The following MSRA variants were observed in gnomAD, a reference collection of about 807,000 sequenced individuals.
MSRA encodes the protein methionine sulfoxide reductase A.
In MSRA, 54 loss-of-function variants were observed where a neutral mutation model predicts 31.3. That is an observed-to-expected ratio of 1.73 (90% CI 1.39 to 2.17). The LOEUF (loss-of-function observed/expected upper bound fraction) is 2.17. MSRA is among the 30% of genes most tolerant of loss of function. MSRA has a pLI of 0.00. For missense variants in MSRA, 507 were observed against 300.9 expected (o/e 1.69, Z -5.07); for synonymous variants, 169 against 116.5 (o/e 1.45, Z -2.90).
intron 5 of MSRA, among the ~76,000 whole-genome samples, chr8:10,407,489 T>G (rs1277499084): frequency 6.6e-6 from 1 of 152,190 alleles, no homozygotes; most frequent in African/African-American, 2.4e-5. Flanking sequence ...GGACTTGCTA[T>G]GGACATTGGA....
intron 3 of MSRA, among the ~76,000 whole-genome samples, chr8:10,284,345 C>T (rs1170985343): frequency 1.3e-5 from 2 of 152,042 alleles, no homozygotes; most frequent in African/African-American, 2.4e-5. Flanking sequence ...CCCGCCACCA[C>T]ACCCGGCTAA....
intron 3 of MSRA, among the ~76,000 whole-genome samples, chr8:10,281,360 C>T (rs1275996757): frequency 6.6e-6 from 1 of 152,158 alleles, no homozygotes; most frequent in East Asian, 1.9e-4. Context: ...GATTATTTAT[C>T]AAAAAGGATT....
At chr8:10,353,714 C>G (rs1344600998) in intron 5 of MSRA, 6 of 452,786 alleles carry the variant, frequency 1.3e-5, no homozygotes, top group African/African-American at 1.0e-4. Flanking sequence ...CTGTACCTGC[C>G]CACTGCCACC....
Position 10,283,160 on chromosome 8 carries a change from A to ACACACACTCTCTCTCTCTCT in MSRA, c.332-18373_332-18372insACACACTCTCTCTCTCTCTC. On this transcript the variant is annotated intron_variant, in intron 3 of 5. Transcript: ENST00000317173. ...CACACACACACACACACACACACAC[A>ACACACACTCTCTCTCTCTCT]CTCTCACCCTTCTCTTTGCTGGGGA... Among the ~76,000 whole-genome samples the ACACACACTCTCTCTCTCTCT allele has an allele frequency of 2.0e-3, 276 of 140,302 alleles. 1 individual carries two copies. Among genetic ancestry groups the ACACACACTCTCTCTCTCTCT allele is most frequent in the African/African-American group, 6.2e-3 (227 of 36,882 alleles). 92.0% of individuals were successfully genotyped at this position (140,302 alleles called of 152,430 possible).
chr8:10,151,276 A>AT (rs1803649852), intron 1 of MSRA, among the ~76,000 whole-genome samples: 2 of 150,644 alleles, frequency 1.3e-5, no homozygotes, highest in African/African-American at 2.4e-5. Context: ...AAAAAAAAAA[A>AT]AAAAAAAAAA....
chr8:10,345,499 C>G (rs1803714105), intron 5 of MSRA, among the ~76,000 whole-genome samples: 1 of 152,186 alleles, frequency 6.6e-6, no homozygotes, highest in African/African-American at 2.4e-5. Flanking sequence ...CACACATACA[C>G]AGACACACAC....
chr8:10,207,669 C>T lies in MSRA; in HGVS notation c.143-164C>T, dbSNP rs1809116129. On this transcript the variant is annotated intron_variant, in intron 1 of 5. Transcript: ENST00000317173. ...ACTAGATGATCTCTAGGCCCTTCTGCAATGGAGATGAAAAACAAAATAATT... is the reference window on the plus strand; with the variant it reads ...ACTAGATGATCTCTAGGCCCTTCTGTAATGGAGATGAAAAACAAAATAATT... Among the ~76,000 whole-genome samples the T allele has an allele frequency of 1.3e-5, 2 of 152,158 alleles. 1 individual carries two copies. The highest frequency in any genetic ancestry group is 2.9e-5 in the Non-Finnish European group (2 of 68,026).
intron 5 of MSRA, among the ~76,000 whole-genome samples, chr8:10,397,416 C>T (rs1005416569): frequency 1.3e-5 from 2 of 152,180 alleles, no homozygotes; most frequent in Non-Finnish European, 2.9e-5. Context: ...GTTCATTGAG[C>T]TGAAATGGGG....
At chr8:10,196,076 G>T (rs1488453829) in intron 1 of MSRA, among the ~76,000 whole-genome samples, 1 of 152,182 alleles carries the variant, frequency 6.6e-6, no homozygotes, top group African/African-American at 2.4e-5. Context: ...GGAGCCACTG[G>T]ACCACTCCCC....
chr8:10,356,139 C>G (rs1395566397), intron 5 of MSRA, among the ~76,000 whole-genome samples: 1 of 152,336 alleles, frequency 6.6e-6, no homozygotes, highest in Non-Finnish European at 1.5e-5. Flanking sequence ...TCTGGACATT[C>G]ACTGCTGGTA....
At chr8:10,320,141 A>G in intron 5 of MSRA, 152 bp downstream of exon 5, 1 of 557,514 alleles carries the variant, frequency 1.8e-6, no homozygotes. Flanking sequence ...GAGTGGAGCC[A>G]TTGTGTCTAA....
intron 2 of MSRA, among the ~76,000 whole-genome samples, chr8:10,236,186 C>A (rs975689639): frequency 1.3e-5 from 2 of 152,100 alleles, no homozygotes; most frequent in African/African-American, 4.8e-5. Context: ...TGGATCCTTC[C>A]CACTAATATT....
intron 1 of MSRA, among the ~76,000 whole-genome samples, chr8:10,072,643 C>A (rs1201141068): frequency 6.6e-6 from 1 of 152,204 alleles, no homozygotes. Context: ...TCTCTGTCAA[C>A]AGAAAAACCT....
chr8:10,303,611 C>A (rs1164452758), intron 4 of MSRA, among the ~76,000 whole-genome samples: 4 of 152,216 alleles, frequency 2.6e-5, no homozygotes, highest in African/African-American at 4.8e-5. Context: ...AACACCAGGG[C>A]AACCCTGACT....
chr8:10,182,669 G>A (rs1488388018), intron 1 of MSRA, among the ~76,000 whole-genome samples: 3 of 152,164 alleles, frequency 2.0e-5, no homozygotes, highest in Non-Finnish European at 2.9e-5. Context: ...ATGGAGAATG[G>A]GGGAGATTCA....
intron 1 of MSRA, among the ~76,000 whole-genome samples, chr8:10,121,314 T>C (rs1801088643): frequency 6.6e-6 from 1 of 152,184 alleles, no homozygotes; most frequent in Non-Finnish European, 1.5e-5. Context: ...GGCTAGGGCC[T>C]GGAGAAGGAC....
At chr8:10,363,669 C>T (rs1804984734) in intron 5 of MSRA, among the ~76,000 whole-genome samples, 1 of 150,906 alleles carries the variant, frequency 6.6e-6, no homozygotes, top group Non-Finnish European at 1.5e-5. Flanking sequence ...GAAGAACACA[C>T]AGGGGTGGGT....
At position 10,279,586 on chromosome 8, in the gene MSRA, A is replaced by G. The variant is rs147257391; in HGVS notation, c.332-21948A>G. ...TTATATCAAAAACTTTTTTCCCCAT[A>G]TGCATCCCCACCCCTAGCAAGGTTG... On this transcript the variant is annotated intron_variant, in intron 3 of 5. Transcript: ENST00000317173. Among the ~76,000 whole-genome samples the G allele has an allele frequency of 3.6e-3, 555 of 152,172 alleles. 2 individuals carry two copies. The highest frequency in any genetic ancestry group is 0.013 in the African/African-American group (533 of 41,514).
intron 3 of MSRA, among the ~76,000 whole-genome samples, chr8:10,270,624 C>G (rs535903785): frequency 1.3e-5 from 2 of 152,296 alleles, no homozygotes; most frequent in South Asian, 4.1e-4. Flanking sequence ...GCTGGAGTTC[C>G]ACACGTTGGT....
Sources: allele counts gnomAD v4.1 joint callset (sites outside exome capture counted in the v4.1 genomes callset), GRCh38; gene constraint gnomAD v4.1.1; transcripts MANE v1.5; gene names NCBI Gene and HGNC (gene_info 2026-07-23, HGNC 2026-07-21).